Variants in DRC9 observed in about 807,000 individuals in gnomAD.
DRC9 encodes the protein dynein regulatory complex subunit 9.
chr3:197,953,448 A>G, the DRC9 span: 1 of 456,582 alleles, frequency 2.2e-6, no homozygotes, highest in African/African-American at 2.0e-5. Context: ...CATTCAGTAA[A>G]AGCCCGTCAT....
At chr3:197,938,925 C>A in the DRC9 span, 2 of 647,502 alleles carry the variant, frequency 3.1e-6, no homozygotes, top group Non-Finnish European at 5.4e-6. Context: ...TCAGCCACAC[C>A]AAACCACACG....
chr3:197,954,337 T>C, the DRC9 span: 6 of 579,982 alleles, frequency 1.0e-5, no homozygotes, highest in Non-Finnish European at 1.8e-5. Context: ...TTGTTTTTTG[T>C]TTTTTTTTTG....
At chr3:197,934,464 C>T in the DRC9 span, among the ~76,000 whole-genome samples, 4 of 152,198 alleles carry the variant, frequency 2.6e-5, no homozygotes, top group East Asian at 5.8e-4. Context: ...GGATTACAGG[C>T]GTGAGCCACG....
the DRC9 span, among the ~76,000 whole-genome samples, chr3:197,895,624 A>G: frequency 6.6e-6 from 1 of 152,166 alleles, no homozygotes; most frequent in Admixed American, 6.6e-5. Context: ...TATAGTAATG[A>G]TATAAAAATC....
chr3:197,896,267 C>T, the DRC9 span, among the ~76,000 whole-genome samples: 1 of 151,816 alleles, frequency 6.6e-6, no homozygotes, highest in African/African-American at 2.4e-5. Context: ...TGCTTGAACC[C>T]AGGAGGCGGA....
chr3:197,956,478 G>T, the DRC9 span: 38 of 152,214 alleles, frequency 2.5e-4, no homozygotes, highest in Non-Finnish European at 1.5e-5. Context: ...GTTGGGAATA[G>T]TGCACGGAAA....
the DRC9 span, among the ~76,000 whole-genome samples, chr3:197,907,565 A>G: frequency 6.6e-6 from 1 of 152,254 alleles, no homozygotes; most frequent in Non-Finnish European, 1.5e-5. Context: ...AATATTTATT[A>G]GCAAAATCTT....
the DRC9 span, chr3:197,950,203 C>T: frequency 5.7e-6 from 7 of 1,231,600 alleles, no homozygotes; most frequent in Non-Finnish European, 7.1e-6. Context: ...CTCTTACCGC[C>T]ATCTTGGCTC....
At chr3:197,920,572 C>A in the DRC9 span, among the ~76,000 whole-genome samples, 6 of 152,120 alleles carry the variant, frequency 3.9e-5, no homozygotes, top group East Asian at 1.2e-3. Context: ...ACTAAAAACA[C>A]AAACATAAGC....
chr3:197,913,112 C>T, the DRC9 span: 27 of 197,526 alleles, frequency 1.4e-4, no homozygotes, highest in East Asian at 3.8e-3. Context: ...GCGAGGAGTC[C>T]TCCCACACAC....
the DRC9 span, among the ~76,000 whole-genome samples, chr3:197,932,817 T>C: frequency 7.2e-6 from 1 of 137,964 alleles, no homozygotes; most frequent in Non-Finnish European, 1.5e-5. Context: ...ATATGTATTA[T>C]ATATATATGT....
At chr3:197,925,161 G>C in the DRC9 span, among the ~76,000 whole-genome samples, 3 of 151,532 alleles carry the variant, frequency 2.0e-5, no homozygotes, top group African/African-American at 4.9e-5. Flanking sequence ...GGCCCCCTGT[G>C]GGGGAGGGTG....
At chr3:197,956,908 A>C in the DRC9 span, 2 of 152,164 alleles carry the variant, frequency 1.3e-5, no homozygotes, top group African/African-American at 4.8e-5. Flanking sequence ...ACTGATCTCT[A>C]CAGCACAGGT....
chr3:197,918,338 A>C, the DRC9 span, among the ~76,000 whole-genome samples: 1 of 139,730 alleles, frequency 7.2e-6, no homozygotes, highest in Non-Finnish European at 1.5e-5. Context: ...TCCTGGTCTC[A>C]AACAATCTAC....
chr3:197,889,099 A>G, the DRC9 span: 368 of 153,644 alleles, frequency 2.4e-3, 2 homozygotes, highest in Non-Finnish European at 4.0e-3. Flanking sequence ...AGGAACCAAC[A>G]TTTATTAAAA....
chr3:197,943,294 T>C, the DRC9 span, among the ~76,000 whole-genome samples: 4 of 152,330 alleles, frequency 2.6e-5, no homozygotes, highest in Admixed American at 2.0e-4. Flanking sequence ...AAAACCAATA[T>C]ACTAGAAAAG....
chr3:197,904,109 T>TAC, the DRC9 span, among the ~76,000 whole-genome samples: 1 of 68,834 alleles, frequency 1.5e-5, no homozygotes, highest in Non-Finnish European at 2.7e-5. Flanking sequence ...TATATATATA[T>TAC]ATTTTTTTTT....
the DRC9 span, among the ~76,000 whole-genome samples, chr3:197,944,399 C>A: frequency 6.6e-6 from 1 of 152,156 alleles, no homozygotes; most frequent in South Asian, 2.1e-4. Flanking sequence ...GCTGGGATTA[C>A]AGGCATGTGC....
the DRC9 span, among the ~76,000 whole-genome samples, chr3:197,890,013 G>T: frequency 2.0e-5 from 3 of 152,186 alleles, no homozygotes; most frequent in Non-Finnish European, 4.4e-5. Context: ...TTTCCTTGAG[G>T]AAAGTCCAGG....
Sources: gnomAD v4.1 joint callset for allele counts (sites outside exome capture counted in the v4.1 genomes callset) on GRCh38, gnomAD v4.1.1 for gene constraint, MANE v1.5 for transcripts, NCBI Gene and HGNC (gene_info 2026-07-23, HGNC 2026-07-21) for gene names.